The following SH3GL2 variants were observed in gnomAD, a reference collection of about 807,000 sequenced individuals.
The protein encoded by SH3GL2 is SH3 domain containing GRB2 like 2, endophilin A1.
SH3GL2 carries 24 observed loss-of-function variants against 46.0 expected under a neutral mutation model. The ratio of observed to expected loss-of-function variants is 0.52; its 90% CI spans 0.38 to 0.73. The LOEUF (loss-of-function observed/expected upper bound fraction) is 0.73. Among genes scored for constraint, SH3GL2 ranks in the 30% least tolerant of loss-of-function variants. SH3GL2 has a pLI of 0.00. For missense variants in SH3GL2, 413 were observed against 424.2 expected (o/e 0.97, Z 0.23); for synonymous variants, 196 against 147.1 (o/e 1.33, Z -2.40).
Position 17,795,692 on chromosome 9 carries a change from A to C in SH3GL2, c.1008A>C (p.Ser336=). 1 of 1,614,018 alleles carries C rather than the reference A, an allele frequency of 6.2e-7. No homozygotes were observed. The highest frequency in any genetic ancestry group is 8.5e-7 in the Non-Finnish European group (1 of 1,179,944). ...NWYEGMLHGH[S]GFFPINYVEI... is the part of the protein sequence containing the mutation. Reference sequence around the variant, plus strand: ...ATGAGGGGATGCTGCATGGCCATTCAGGCTTCTTCCCCATCAATTATGTGG... The same window carrying C: ...ATGAGGGGATGCTGCATGGCCATTCCGGCTTCTTCCCCATCAATTATGTGG... The change falls in exon 9 of 9, where the codon TCA becomes TCC. Residue 336 remains serine (S), a synonymous_variant. Transcript: ENST00000380607.
chr9:17,786,309 A>T, intron 3 of SH3GL2, 72 bp from the exon 4 acceptor site: 1 of 1,431,086 alleles, frequency 7.0e-7, no homozygotes, highest in Non-Finnish European at 9.6e-7. Context: ...CTGAGACCTG[A>T]TCCTCCATCC....
chr9:17,674,570 ATGTTATTTGTTCATGATTTTGT>A (rs1290257185), intron 1 of SH3GL2, among the ~76,000 whole-genome samples: 1 of 152,078 alleles, frequency 6.6e-6, no homozygotes, highest in Non-Finnish European at 1.5e-5. Context: ...AGCAATGAAC[ATGTTATTTGTTCATGATTTTGT>A]TGGAAAATCA....
chr9:17,787,368 A>T lies in SH3GL2; in HGVS notation c.332-12A>T, dbSNP rs756614697. The T allele has an allele frequency of 6.2e-6, 10 of 1,607,692 alleles. No homozygotes were observed. The East Asian group carries it at 2.2e-4, about 36-fold the overall frequency. ...TTATTCTGTAACATGAAAGAGCTTT[A>T]TTCTCTCCTAGGCCCAGCACTTGGT... is the stretch of plus-strand genomic sequence containing the variant. On this transcript the variant is annotated splice_polypyrimidine_tract_variant and intron_variant, in intron 4 of 8. Transcript: ENST00000380607.
intron 3 of SH3GL2, among the ~76,000 whole-genome samples, chr9:17,782,751 A>C (rs926788323): frequency 1.3e-5 from 2 of 152,136 alleles, no homozygotes; most frequent in Admixed American, 6.6e-5. Context: ...ATGTATACAG[A>C]AGCATTTTAT....
chr9:17,630,806 G>A (rs1392169335), intron 1 of SH3GL2, among the ~76,000 whole-genome samples: 2 of 152,144 alleles, frequency 1.3e-5, no homozygotes, highest in Admixed American at 1.3e-4. Context: ...TGGGGGAGTT[G>A]GAGGTAGTAG....
chr9:17,729,414 G>A (rs1458509655), intron 1 of SH3GL2, among the ~76,000 whole-genome samples: 1 of 152,082 alleles, frequency 6.6e-6, no homozygotes. Flanking sequence ...TCCGTAGGTT[G>A]CCTGTTCATT....
intron 1 of SH3GL2, among the ~76,000 whole-genome samples, chr9:17,726,874 C>G (rs935668698): frequency 6.6e-6 from 1 of 152,062 alleles, no homozygotes; most frequent in African/African-American, 2.4e-5. Flanking sequence ...TGGTATAACT[C>G]CTTCGGGGAG....
At position 17,796,667 on chromosome 9, in the gene SH3GL2, A is replaced by G. The variant is rs1824280722; in HGVS notation, c.*924A>G. ...CTAGTAACCATCTTTCCACTAGTTC[A>G]TATACTGAGAAACAGTAAATACCTT... On this transcript the variant is annotated 3_prime_UTR_variant, in exon 9 of 9. Transcript: ENST00000380607. 1.3e-5 allele frequency: 2 copies of G among 152,662 alleles called. No individual in the cohort carries two copies. Among genetic ancestry groups the G allele is most frequent in the Non-Finnish European group, 2.9e-5 (2 of 68,042 alleles). 9.5% of individuals were successfully genotyped at this position (152,662 alleles called of 1,614,324 possible).
intron 1 of SH3GL2, among the ~76,000 whole-genome samples, chr9:17,683,720 G>T (rs1002323330): frequency 3.9e-5 from 6 of 151,988 alleles, no homozygotes; most frequent in Non-Finnish European, 8.8e-5. Context: ...TAGGGGAGTG[G>T]GGAGAACATG....
At chr9:17,785,221 A>AT (rs1265424829) in intron 3 of SH3GL2, among the ~76,000 whole-genome samples, 1 of 152,138 alleles carries the variant, frequency 6.6e-6, no homozygotes, top group African/African-American at 2.4e-5. Context: ...ACAGTGCCGC[A>AT]TATCTGGGAC....
At chr9:17,773,161 G>T (rs544362223) in intron 3 of SH3GL2, among the ~76,000 whole-genome samples, 2 of 151,974 alleles carry the variant, frequency 1.3e-5, no homozygotes, top group African/African-American at 4.8e-5. Flanking sequence ...TCAAGCCTTC[G>T]CTCATTTATT....
chr9:17,659,244 C>G (rs746857461), intron 1 of SH3GL2, among the ~76,000 whole-genome samples: 1 of 152,152 alleles, frequency 6.6e-6, no homozygotes, highest in African/African-American at 2.4e-5. Context: ...GCTCTCTTCC[C>G]CATCTCAGAC....
At chr9:17,762,480 G>A (rs781614613) in intron 3 of SH3GL2, among the ~76,000 whole-genome samples, 4 of 151,640 alleles carry the variant, frequency 2.6e-5, no homozygotes, top group Non-Finnish European at 5.9e-5. Context: ...CCTTTTCTAT[G>A]CCCCCTGCTG....
At chr9:17,642,731 T>C (rs879569445) in intron 1 of SH3GL2, among the ~76,000 whole-genome samples, 5 of 152,208 alleles carry the variant, frequency 3.3e-5, no homozygotes, top group Non-Finnish European at 7.4e-5. Context: ...TTGGTATGAG[T>C]ACCATACTGT....
At position 17,719,775 on chromosome 9, in the gene SH3GL2, G is replaced by A. The variant is rs920844070; in HGVS notation, c.46-27291G>A. Among the ~76,000 whole-genome samples, 73 of 147,988 alleles carry A rather than the reference G, an allele frequency of 4.9e-4. 1 individual carries two copies. Among genetic ancestry groups the A allele is most frequent in the African/African-American group, 1.2e-3 (47 of 40,068 alleles). On this transcript the variant is annotated intron_variant, in intron 1 of 8. Transcript: ENST00000380607. ...ATCACTGTACTCTAGTCTGGGTAAC[G>A]AAGTGAGACCCTGTCTTGAAAAAAA...
intron 1 of SH3GL2, among the ~76,000 whole-genome samples, chr9:17,683,278 C>T (rs1457132050): frequency 1.3e-5 from 2 of 152,036 alleles, no homozygotes; most frequent in Non-Finnish European, 2.9e-5. Flanking sequence ...TCATGGGGAA[C>T]ACTGGGGGCA....
At chr9:17,713,802 T>C (rs193138056) in intron 1 of SH3GL2, among the ~76,000 whole-genome samples, 38 of 151,836 alleles carry the variant, frequency 2.5e-4, no homozygotes, top group Admixed American at 6.6e-4. Flanking sequence ...GTCAAGAATA[T>C]TGCCTGTCTT....
At chr9:17,662,703 C>CTTTTTTT in intron 1 of SH3GL2, among the ~76,000 whole-genome samples, 1 of 96,962 alleles carries the variant, frequency 1.0e-5, no homozygotes, top group Non-Finnish European at 1.9e-5. Flanking sequence ...TTGGCCAAGT[C>CTTTTTTT]TTTTTTTTTT....
chr9:17,637,343 C>G (rs1819564259), intron 1 of SH3GL2, among the ~76,000 whole-genome samples: 2 of 152,042 alleles, frequency 1.3e-5, no homozygotes, highest in Admixed American at 6.5e-5. Flanking sequence ...TCTTAAATTC[C>G]CAGTCTTACA....
Sources: allele counts gnomAD v4.1 joint callset (sites outside exome capture counted in the v4.1 genomes callset), GRCh38; gene constraint gnomAD v4.1.1; transcripts MANE v1.5; gene names NCBI Gene and HGNC (gene_info 2026-07-23, HGNC 2026-07-21).